NLRP12: variants seen among roughly 807,000 people sequenced by gnomAD.
NLRP12 encodes NACHT, LRR and PYD domains-containing protein 12.
Under a neutral mutation model 91.2 loss-of-function variants are expected in NLRP12, and 108 were observed. The ratio of observed to expected loss-of-function variants is 1.18; its 90% CI spans 1.01 to 1.39. The LOEUF is 1.39. Ranked by LOEUF, NLRP12 falls within the 40% of genes most tolerant of loss-of-function variation. The pLI is 0.00. For synonymous variants in NLRP12, 613 were observed against 566.7 expected, an observed-to-expected ratio of 1.08 and a Z score of -1.16; for missense variants, 1,530 against 1,352.7, an observed-to-expected ratio of 1.13 and a Z score of -2.06.
intron 1 of NLRP12, among the ~76,000 whole-genome samples, chr19:53,819,658 C>CGTATATATATGCGTATATATGTATGTAT (rs1568696736): frequency 3.3e-5 from 1 of 30,446 alleles, no homozygotes; most frequent in Non-Finnish European, 7.8e-5. Flanking sequence ...TATATATATA[C>CGTATATATATGCGTATATATGTATGTAT]ACATGTATAC....
intron 1 of NLRP12, among the ~76,000 whole-genome samples, chr19:53,816,939 G>T (rs1383319983): frequency 1.3e-5 from 2 of 151,932 alleles, no homozygotes; most frequent in African/African-American, 4.8e-5. Flanking sequence ...AAGATGAAGA[G>T]TTCTGCAGAT....
At position 53,811,003 on chromosome 19, in the gene NLRP12, G is replaced by T. The variant is rs1321841169; in HGVS notation, c.656C>A (p.Ala219Glu). The change falls in exon 3 of 10, where the codon GCA (alanine) becomes GAA (glutamate). Residue 219 changes from alanine to glutamate, a missense_variant. By Grantham distance (107) the Ala-to-Glu change is moderately radical. Coordinates refer to ENST00000324134, the MANE Select transcript of NLRP12 (RefSeq NM_144687.4). ...TGCCAGCATGGACTTGCCTATCCCT[G>T]CCGCGCCTTGCATGACCACGGTGCG... is the stretch of plus-strand genomic sequence containing the variant. ...PPRTVVMQGA[A>E]GIGKSMLAHK... 3.7e-6 allele frequency: 6 copies of T among 1,613,850 alleles called. No homozygotes were observed. The highest frequency in any genetic ancestry group is 1.3e-5 in the African/African-American group (1 of 74,932).
At position 53,809,589 on chromosome 19, in the gene NLRP12, C is replaced by T; in HGVS notation, c.2070G>A (p.Gln690=). 6.2e-7 allele frequency: 1 copy of T among 1,608,428 alleles called. No individual in the cohort carries two copies. Among genetic ancestry groups the T allele is most frequent in the Non-Finnish European group, 8.5e-7 (1 of 1,177,842 alleles). The change falls in exon 3 of 10, where the codon CAG becomes CAA. Residue 690 remains glutamine, a splice_region_variant and synonymous_variant. Coordinates refer to ENST00000324134, the MANE Select transcript of NLRP12 (RefSeq NM_144687.4). ...CSAGAHTLLV[Q]LPERTVLLDA... is the part of the protein sequence containing the mutation. ...GGGGATACCCCAGGGATACTTACAG[C>T]TGCACCAACAGCGTGTGCGCTCCTG...
intron 7 of NLRP12, among the ~76,000 whole-genome samples, chr19:53,798,696 A>G (rs1475380721): frequency 1.3e-5 from 2 of 152,084 alleles, no homozygotes; most frequent in African/African-American, 4.8e-5. Context: ...TGAGGTCAGG[A>G]GTTTGTGACC....
At position 53,809,393 on chromosome 19, in the gene NLRP12, T is replaced by C. The variant is rs2092015496; in HGVS notation, c.2072+194A>G. ...TAAAAATACAAAAATTAGGTGGGCG[T>C]GGTGGCGTGCACCTGTAGTCCCAGC... is the stretch of plus-strand genomic sequence containing the variant. On this transcript the variant is annotated intron_variant, in intron 3 of 9. Transcript: ENST00000324134. 2.0e-5 allele frequency among the ~76,000 whole-genome samples: 3 copies of C among 150,294 alleles called. No homozygotes were observed. In the Admixed American group the frequency reaches 2.0e-4, roughly 10 times the overall value.
At chr19:53,803,248 GT>G (rs2122584868) in intron 6 of NLRP12, among the ~76,000 whole-genome samples, 1 of 151,562 alleles carries the variant, frequency 6.6e-6, no homozygotes, top group South Asian at 2.1e-4. Flanking sequence ...ATGACACAGT[GT>G]TGGCTCACCA....
chr19:53,807,074 T>C (rs1311946256), intron 4 of NLRP12, among the ~76,000 whole-genome samples: 3 of 150,564 alleles, frequency 2.0e-5, no homozygotes, highest in South Asian at 2.1e-4. Context: ...CTTTGGCACT[T>C]TTTTCCCCCC....
chr19:53,808,286 T>G (rs2091995398), intron 3 of NLRP12: 1 of 174,548 alleles, frequency 5.7e-6, no homozygotes, highest in Non-Finnish European at 1.3e-5. Flanking sequence ...CCTGGCTCTA[T>G]CTGACGCTCC....
At chr19:53,797,115 C>T (rs2122518787) in intron 8 of NLRP12, among the ~76,000 whole-genome samples, 1 of 148,076 alleles carries the variant, frequency 6.8e-6, no homozygotes, top group East Asian at 2.0e-4. Flanking sequence ...TTGGAATTTA[C>T]AGAGCACCAG....
chr19:53,821,439 C>T (rs943124824), intron 1 of NLRP12, among the ~76,000 whole-genome samples: 7 of 152,098 alleles, frequency 4.6e-5, no homozygotes, highest in East Asian at 2.0e-4. Flanking sequence ...GAGGCCGAGA[C>T]GGCTGGATCA....
chr19:53,819,626 C>CGTACATATGTATGTATACATATATAT (rs1568696565), intron 1 of NLRP12, among the ~76,000 whole-genome samples: 1 of 41,564 alleles, frequency 2.4e-5, no homozygotes, highest in African/African-American at 7.7e-5. Context: ...TACGTATATA[C>CGTACATATGTATGTATACATATATAT]GCGTATATAT....
intron 3 of NLRP12, 124 bp downstream of exon 3, chr19:53,809,463 G>A (rs1184637843): frequency 7.2e-6 from 7 of 967,018 alleles, no homozygotes; most frequent in African/African-American, 1.7e-5. Flanking sequence ...CCCGGGAGGC[G>A]GAGGTTGCAG....
chr19:53,815,571 C>A (rs117879579), intron 1 of NLRP12, among the ~76,000 whole-genome samples: 8,664 of 150,982 alleles, frequency 0.057, 266 homozygotes, highest in Middle Eastern at 0.16. Context: ...AGTCTGGACT[C>A]CTCCCTTGTC....
At chr19:53,818,714 C>A (rs994212098) in intron 1 of NLRP12, among the ~76,000 whole-genome samples, 1 of 152,076 alleles carries the variant, frequency 6.6e-6, no homozygotes, top group Admixed American at 6.6e-5. Flanking sequence ...AAAATTGCAG[C>A]TGAAAAAGGC....
At position 53,801,306 on chromosome 19, in the gene NLRP12, G is replaced by A. The variant is rs1304569113; in HGVS notation, c.2677C>T (p.Leu893=). 1.9e-6 allele frequency: 3 copies of A among 1,613,988 alleles called. No individual in the cohort carries two copies. The highest frequency in any genetic ancestry group is 1.6e-4 in the Middle Eastern group (1 of 6,062). Residue 893 remains leucine (L), a synonymous_variant, in exon 7 of 10, where the codon CTG becomes TTG. Transcript: ENST00000324134. ...ACCCCGAGGTCCCCCAGCTCATTCA[G>A]GCTCAGGTCCAGCTCTCTCAGGCTC... is the stretch of plus-strand genomic sequence containing the variant. ...NQSLRELDLS[L]NELGDLGVLL...
At chr19:53,815,173 T>G (rs1278666060) in intron 1 of NLRP12, among the ~76,000 whole-genome samples, 185 bp from the exon 2 acceptor site, 1 of 149,100 alleles carries the variant, frequency 6.7e-6, no homozygotes, top group Non-Finnish European at 1.5e-5. Context: ...TAGCGCACCC[T>G]CCTCCCTGGG....
At chr19:53,823,739 A>C in intron 1 of NLRP12, 147 bp downstream of exon 1, 16 of 899,884 alleles carry the variant, frequency 1.8e-5, no homozygotes, top group Non-Finnish European at 2.1e-5. Context: ...TGGTAGAGAC[A>C]GAGCCTCACT....
Position 53,810,837 on chromosome 19 carries a change from C to T in NLRP12, c.822G>A (p.Glu274=), listed in dbSNP as rs539743551. ...MQDLIFSCWP[E]PSAPLQELIR... is the part of the protein sequence containing the mutation. ...TGAGCTCCTGGAGAGGCGCGCTGGG[C>T]TCAGGCCAGCAGCTGAAGATGAGGT... is the stretch of plus-strand genomic sequence containing the variant. The change falls in exon 3 of 10, where the codon GAG becomes GAA. Residue 274 remains glutamate (E), a synonymous_variant. Coordinates refer to ENST00000324134, the MANE Select transcript of NLRP12 (RefSeq NM_144687.4). 14 of 1,613,938 alleles carry T rather than the reference C, an allele frequency of 8.7e-6. No individual in the cohort carries two copies. The South Asian group carries it at 1.3e-4, about 15-fold the overall frequency.
At chr19:53,807,083 CCT>C (rs113210610) in intron 4 of NLRP12, among the ~76,000 whole-genome samples, 3,433 of 151,384 alleles carry the variant, frequency 0.023, 125 homozygotes, top group African/African-American at 0.076. Context: ...TTTTTTCCCC[CCT>C]GAGATGGAGT....
Sources: gnomAD v4.1 joint callset for allele counts (sites outside exome capture counted in the v4.1 genomes callset) on GRCh38, gnomAD v4.1.1 for gene constraint, MANE v1.5 for transcripts, NCBI Gene and HGNC (gene_info 2026-07-23, HGNC 2026-07-21) for gene names.